XYLT1: variants seen among roughly 807,000 people sequenced by gnomAD.
XYLT1 encodes the protein beta-D-xylosyltransferase 1.
Under a neutral mutation model 91.3 loss-of-function variants are expected in XYLT1, and 36 were observed. The observed-to-expected ratio is 0.39, with a 90% CI of 0.30 to 0.52. The LOEUF (loss-of-function observed/expected upper bound fraction) is 0.52. Ranked by LOEUF, XYLT1 falls within the 20% of genes least tolerant of loss-of-function variation. XYLT1 has a pLI of 0.68. For missense variants in XYLT1, 1,242 were observed against 1,284.5 expected, an observed-to-expected ratio of 0.97 and a Z score of 0.51; for synonymous variants, 588 against 532.0, an observed-to-expected ratio of 1.11 and a Z score of -1.45.
chr16:17,447,378 A>G (rs900629732), intron 1 of XYLT1, among the ~76,000 whole-genome samples: 3 of 152,180 alleles, frequency 2.0e-5, no homozygotes, highest in African/African-American at 7.2e-5. Context: ...GTTTAATCCA[A>G]CTGGAAAACA....
At chr16:17,191,528 G>C (rs2032310277) in intron 5 of XYLT1, among the ~76,000 whole-genome samples, 1 of 152,198 alleles carries the variant, frequency 6.6e-6, no homozygotes, top group Non-Finnish European at 1.5e-5. Context: ...GTGTTTTGGG[G>C]GATGGGATTA....
At chr16:17,452,825 A>G (rs1170984583) in intron 1 of XYLT1, among the ~76,000 whole-genome samples, 1 of 152,194 alleles carries the variant, frequency 6.6e-6, no homozygotes, top group African/African-American at 2.4e-5. Flanking sequence ...ACATCTAGAA[A>G]GTAGTCTTTA....
chr16:17,128,692 A>T (rs967121725), intron 9 of XYLT1, among the ~76,000 whole-genome samples: 2 of 152,216 alleles, frequency 1.3e-5, no homozygotes, highest in East Asian at 3.9e-4. Context: ...TTTAAAATGC[A>T]CGTCTTTGAT....
chr16:17,255,312 A>G (rs1446663770), intron 3 of XYLT1, among the ~76,000 whole-genome samples: 1 of 151,954 alleles, frequency 6.6e-6, no homozygotes, highest in Non-Finnish European at 1.5e-5. Context: ...CTATTTTTAT[A>G]AGTTAGGTTT....
chr16:17,124,701 T>G (rs1451656799), intron 10 of XYLT1, among the ~76,000 whole-genome samples: 1 of 152,256 alleles, frequency 6.6e-6, no homozygotes, highest in Non-Finnish European at 1.5e-5. Context: ...TTCAAACTTT[T>G]AGATTTCTCT....
intron 8 of XYLT1, among the ~76,000 whole-genome samples, chr16:17,136,351 G>GTAAGTACCCTTGGTGTTATTC: frequency 6.6e-6 from 1 of 152,156 alleles, no homozygotes; most frequent in East Asian, 1.9e-4. Context: ...CCCCCTGATC[G>GTAAGTACCCTTGGTGTTATTC]TAAGTACCCT....
intron 5 of XYLT1, among the ~76,000 whole-genome samples, chr16:17,161,893 T>C (rs956155262): frequency 1.3e-5 from 2 of 152,132 alleles, no homozygotes; most frequent in African/African-American, 2.4e-5. Flanking sequence ...GCTACCACCA[T>C]GGGAGTCACT....
chr16:17,259,027 G>C lies in XYLT1; in HGVS notation c.874C>G (p.Leu292Val). ...AACCGAGTCACCTTCTCAGGCATCA[G>C]CAGCCCTAACTTGTGGCGGCAGTAA... Reference protein sequence around the residue: ...ETYCRHKLGLLMPEKVTRFCP... With the variant: ...ETYCRHKLGLVMPEKVTRFCP... Residue 292 changes from leucine to valine, a missense_variant, in exon 3 of 12, where the codon CTG becomes GTG. Physicochemically the swap from Leu to Val is conservative, Grantham distance 32. Transcript: ENST00000261381. 2 of 1,511,126 alleles carry C rather than the reference G, an allele frequency of 1.3e-6. No individual in the cohort carries two copies. Among genetic ancestry groups the C allele is most frequent in the Non-Finnish European group, 1.8e-6 (2 of 1,129,738 alleles). The allele number at this position is 1,511,126 out of a possible 1,614,324, so 93.6% of individuals were successfully genotyped here. A position where few individuals can be genotyped will look rare whatever the true frequency, so the allele number is the denominator to read the frequency against.
At chr16:17,241,645 T>A (rs571715893) in intron 3 of XYLT1, among the ~76,000 whole-genome samples, 1 of 152,332 alleles carries the variant, frequency 6.6e-6, no homozygotes, top group South Asian at 2.1e-4. Flanking sequence ...AGAGGCAGCA[T>A]TGACGTTGGA....
chr16:17,451,533 G>T (rs1038943918), intron 1 of XYLT1, among the ~76,000 whole-genome samples: 1 of 152,162 alleles, frequency 6.6e-6, no homozygotes, highest in Non-Finnish European at 1.5e-5. Flanking sequence ...CACCTAGTAG[G>T]CTCTTGGTAA....
At chr16:17,322,994 C>T (rs190310428) in intron 2 of XYLT1, among the ~76,000 whole-genome samples, 2 of 152,334 alleles carry the variant, frequency 1.3e-5, no homozygotes, top group Admixed American at 6.5e-5. Context: ...GGTGCCAATC[C>T]GGTCCATTTC....
intron 2 of XYLT1, among the ~76,000 whole-genome samples, chr16:17,269,340 C>T (rs150751355): frequency 6.6e-6 from 1 of 151,804 alleles, no homozygotes; most frequent in East Asian, 2.0e-4. Context: ...GCTTTCACCA[C>T]TATACCCAGC....
In XYLT1 at chr16:17,172,489, G is replaced by C. The variant is rs1460298752; in HGVS notation, c.1290-13580C>G. On this transcript the variant is annotated intron_variant, in intron 5 of 11. Transcript: ENST00000261381. ...TTCTTTTTTTTTTTTTTTTTTTTTT[G>C]AGACGGAGTCTCGCTCTTGTTGCCC... Among the ~76,000 whole-genome samples, 12 of 20,482 alleles carry C rather than the reference G, an allele frequency of 5.9e-4. No homozygotes were observed. The East Asian group carries it at 0.02, about 33-fold the overall frequency. 13.4% of individuals were successfully genotyped at this position (20,482 alleles called of 152,430 possible).
chr16:17,338,609 G>A (rs534818350), intron 2 of XYLT1: 17 of 412,418 alleles, frequency 4.1e-5, no homozygotes, highest in Non-Finnish European at 6.8e-5. Context: ...CTGGTCATTC[G>A]TGGCCTGCTC....
intron 1 of XYLT1, among the ~76,000 whole-genome samples, chr16:17,408,322 A>C (rs2036060496): frequency 6.6e-6 from 1 of 152,216 alleles, no homozygotes; most frequent in South Asian, 2.1e-4. Flanking sequence ...ATAAATTCTC[A>C]TGAAATCTAA....
intron 1 of XYLT1, among the ~76,000 whole-genome samples, chr16:17,454,538 A>ATTTTTTTTTTTTTT (rs67567053): frequency 6.9e-6 from 1 of 145,350 alleles, no homozygotes. Context: ...TATGATCGCA[A>ATTTTTTTTTTTTTT]TTTTTTTTTT....
chr16:17,275,770 G>C (rs1428989602), intron 2 of XYLT1, among the ~76,000 whole-genome samples: 1 of 152,080 alleles, frequency 6.6e-6, no homozygotes, highest in Non-Finnish European at 1.5e-5. Flanking sequence ...CTCTGGGACG[G>C]GGCACTTAAG....
intron 11 of XYLT1, among the ~76,000 whole-genome samples, chr16:17,113,536 C>A (rs1966846421): frequency 1.3e-5 from 2 of 152,190 alleles, no homozygotes; most frequent in South Asian, 4.1e-4. Flanking sequence ...TAGGACTCAG[C>A]AAATAGAATC....
intron 2 of XYLT1, among the ~76,000 whole-genome samples, chr16:17,263,627 A>G (rs1252124087): frequency 3.3e-5 from 5 of 151,762 alleles, no homozygotes; most frequent in Non-Finnish European, 7.4e-5. Context: ...AGGCCTGAGA[A>G]TTTCTGTCCC....
Sources: allele counts gnomAD v4.1 joint callset (sites outside exome capture counted in the v4.1 genomes callset), GRCh38; gene constraint gnomAD v4.1.1; transcripts MANE v1.5; gene names NCBI Gene and HGNC (gene_info 2026-07-23, HGNC 2026-07-21).